Variants in DYRK4 observed in about 807,000 individuals in gnomAD.
The protein encoded by DYRK4 is dual specificity tyrosine-phosphorylation-regulated kinase 4.
Under a neutral mutation model 68.3 loss-of-function variants are expected in DYRK4, and 64 were observed. That is an observed-to-expected ratio of 0.94 (90% CI 0.77 to 1.15). The LOEUF (loss-of-function observed/expected upper bound fraction) is 1.15. Ranked by LOEUF, DYRK4 falls within the 50% of genes most tolerant of loss-of-function variation. DYRK4 has a pLI of 0.00. For missense variants in DYRK4, 740 were observed against 764.7 expected, an observed-to-expected ratio of 0.97 and a Z score of 0.38; for synonymous variants, 274 against 289.9, an observed-to-expected ratio of 0.95 and a Z score of 0.56.
intron 2 of DYRK4, chr12:4,573,429 T>C: frequency 7.8e-7 from 1 of 1,279,192 alleles, no homozygotes; most frequent in Non-Finnish European, 1.0e-6. Context: ...AGAACAAAGA[T>C]TTGAAATTAC....
At chr12:4,590,514 G>A in intron 4 of DYRK4, 74 bp downstream of exon 4, 1 of 1,508,592 alleles carries the variant, frequency 6.6e-7, no homozygotes, top group Non-Finnish European at 8.8e-7. Context: ...GTTTTAGAAA[G>A]GCCCAGGATA....
intron 1 of DYRK4, 144 bp from the exon 2 acceptor site, chr12:4,567,811 G>A: frequency 1.5e-6 from 1 of 659,498 alleles, no homozygotes; most frequent in Admixed American, 2.8e-5. Flanking sequence ...GGAAGCAAGG[G>A]AGAAGCAGGG....
At chr12:4,592,230 C>T (rs1348271921) in intron 5 of DYRK4, among the ~76,000 whole-genome samples, 1 of 152,170 alleles carries the variant, frequency 6.6e-6, no homozygotes, top group Non-Finnish European at 1.5e-5. Context: ...GTCCTCTGGG[C>T]AAAGAACATG....
intron 4 of DYRK4, chr12:4,590,925 T>C (rs996916407): frequency 1.7e-4 from 85 of 492,682 alleles, no homozygotes; most frequent in East Asian, 7.0e-4. Context: ...GTTGCTGGGG[T>C]TGTCAGCAGC....
At position 4,568,627 on chromosome 12, in the gene DYRK4, C is replaced by A. The variant is rs1944700179; in HGVS notation, c.132+579C>A. On this transcript the variant is annotated intron_variant, in intron 2 of 14. Coordinates refer to ENST00000543431, the MANE Select transcript of DYRK4 (RefSeq NM_001394779.1). ...TCTCGAACTCCCGACCTCAAGTGAT[C>A]TGCCCGCCTCGGCCTCCCAAAGGGC... is the stretch of plus-strand genomic sequence containing the variant. 2.0e-5 allele frequency among the ~76,000 whole-genome samples: 3 copies of A among 152,274 alleles called. No homozygotes were observed. The South Asian group carries it at 6.2e-4, about 32-fold the overall frequency.
At chr12:4,575,685 A>G (rs1439834027) in intron 2 of DYRK4, among the ~76,000 whole-genome samples, 1 of 152,076 alleles carries the variant, frequency 6.6e-6, no homozygotes, top group Non-Finnish European at 1.5e-5. Flanking sequence ...TTTATTGGCT[A>G]TTTGTGTTTC....
At chr12:4,592,053 C>T (rs561819136) in intron 5 of DYRK4, among the ~76,000 whole-genome samples, 2 of 152,320 alleles carry the variant, frequency 1.3e-5, no homozygotes, top group South Asian at 4.1e-4. Context: ...TGTGTGCCAT[C>T]ATCAGACACT....
chr12:4,609,765 A>G (rs1945196270), intron 12 of DYRK4, among the ~76,000 whole-genome samples: 1 of 152,206 alleles, frequency 6.6e-6, no homozygotes, highest in Non-Finnish European at 1.5e-5. Flanking sequence ...TCCAAAAGGA[A>G]ATGGATATTT....
chr12:4,578,778 TG>T (rs1314633886), intron 2 of DYRK4, among the ~76,000 whole-genome samples: 1 of 152,112 alleles, frequency 6.6e-6, no homozygotes, highest in Non-Finnish European at 1.5e-5. Context: ...AGCCAGCGAG[TG>T]GCAGCATAGG....
intron 1 of DYRK4, among the ~76,000 whole-genome samples, chr12:4,563,334 T>C (rs1327719582): frequency 6.6e-6 from 1 of 152,250 alleles, no homozygotes; most frequent in Non-Finnish European, 1.5e-5. Flanking sequence ...CCAGCCACTC[T>C]TCCCTGACTT....
At chr12:4,610,055 A>AGC in intron 12 of DYRK4, 100 bp from the exon 13 acceptor site, 1 of 1,064,236 alleles carries the variant, frequency 9.4e-7, no homozygotes, top group Non-Finnish European at 1.3e-6. Flanking sequence ...TGTGTAAGAC[A>AGC]GAGAGCAAAA....
intron 2 of DYRK4, among the ~76,000 whole-genome samples, chr12:4,575,299 C>CTG (rs35874260): frequency 0.057 from 8,464 of 148,926 alleles, 288 homozygotes; most frequent in African/African-American, 0.099. Flanking sequence ...CAATAACTTA[C>CTG]TGTGTGTGTG....
chr12:4,574,552 C>T (rs1029511342), intron 2 of DYRK4, among the ~76,000 whole-genome samples: 1 of 152,172 alleles, frequency 6.6e-6, no homozygotes, highest in Non-Finnish European at 1.5e-5. Flanking sequence ...TTGATCATTA[C>T]CTGTGCCCCG....
chr12:4,566,327 C>T (rs565646441), intron 1 of DYRK4, among the ~76,000 whole-genome samples: 1 of 152,344 alleles, frequency 6.6e-6, no homozygotes, highest in East Asian at 1.9e-4. Context: ...CCTAATCTAC[C>T]TCCCTGGCCC....
intron 6 of DYRK4, among the ~76,000 whole-genome samples, chr12:4,593,559 G>A (rs1283152136): frequency 9.9e-5 from 15 of 152,130 alleles, no homozygotes; most frequent in Admixed American, 9.2e-4. Context: ...CTATTTTATA[G>A]TAGATGTCAC....
Position 4,591,009 on chromosome 12 carries a change from G to T in DYRK4, c.325-151G>T. ...ATGCTTCCTTTGGGAGAGAGGTAGG[G>T]AGAACCTTCTGTCTCTTAATCGCTG... On this transcript the variant is annotated intron_variant, in intron 4 of 14. Transcript: ENST00000543431. This position sits in a 1 kb window ranked among gnomAD's most constrained non-coding sequence, Gnocchi z 4.1. 1.1e-6 allele frequency: 1 copy of T among 881,716 alleles called. No homozygotes were observed. Among genetic ancestry groups the T allele is most frequent in the Non-Finnish European group, 1.7e-6 (1 of 590,090 alleles). The allele number at this position is 881,716 out of a possible 1,614,324, so 54.6% of individuals were successfully genotyped here. A position where few individuals can be genotyped will look rare whatever the true frequency, so the allele number is the denominator to read the frequency against.
chr12:4,613,815 A>G lies in DYRK4; in HGVS notation c.*62A>G. On this transcript the variant is annotated 3_prime_UTR_variant, in exon 15 of 15. Coordinates refer to ENST00000543431, the MANE Select transcript of DYRK4 (RefSeq NM_001394779.1). This position sits in a 1 kb window ranked among gnomAD's most constrained non-coding sequence, Gnocchi z 4.0. ...TGATTTGTATTAAGACAGCACTTAT[A>G]TTGTACAATACTTCAGACTGTTTTT... The G allele has an allele frequency of 7.0e-7, 1 of 1,425,640 alleles. No individual in the cohort carries two copies. Among genetic ancestry groups the G allele is most frequent in the Non-Finnish European group, 9.3e-7 (1 of 1,080,318 alleles). 88.3% of individuals were successfully genotyped at this position (1,425,640 alleles called of 1,614,324 possible).
At chr12:4,571,154 G>C (rs376720325) in intron 2 of DYRK4, among the ~76,000 whole-genome samples, 1 of 152,214 alleles carries the variant, frequency 6.6e-6, no homozygotes, top group Non-Finnish European at 1.5e-5. Flanking sequence ...GCCAGGAAGA[G>C]AACCTGGGAG....
At chr12:4,612,850 A>G (rs1945240479) in intron 14 of DYRK4, 132 bp downstream of exon 14, 2 of 947,440 alleles carry the variant, frequency 2.1e-6, no homozygotes, top group Non-Finnish European at 3.2e-6. Context: ...TGTTTTTAAT[A>G]TTCTGTTTAA....
Sources: allele counts gnomAD v4.1 joint callset (sites outside exome capture counted in the v4.1 genomes callset), GRCh38; gene constraint gnomAD v4.1.1; non-coding constraint Gnocchi (gnomAD v3.1); transcripts MANE v1.5; gene names NCBI Gene and HGNC (gene_info 2026-07-23, HGNC 2026-07-21).